Variants in SRP72 observed in about 807,000 individuals in gnomAD.
The protein encoded by SRP72 is signal recognition particle subunit SRP72.
SRP72 carries 49 observed loss-of-function variants against 96.3 expected under a neutral mutation model. The ratio of observed to expected loss-of-function variants is 0.51; its 90% CI spans 0.40 to 0.65. The LOEUF is 0.65. Among genes scored for constraint, SRP72 ranks in the 30% least tolerant of loss-of-function variants. The pLI is 0.00. For missense variants in SRP72, 736 were observed against 793.3 expected (o/e 0.93, Z 0.87); for synonymous variants, 267 against 275.2 (o/e 0.97, Z 0.30).
chr4:56,486,077 G>A (rs1467555726), intron 10 of SRP72, among the ~76,000 whole-genome samples: 1 of 152,146 alleles, frequency 6.6e-6, no homozygotes, highest in African/African-American at 2.4e-5. Flanking sequence ...GTGGCTGAGG[G>A]ATGATGGATT....
At chr4:56,468,051 C>T (rs1358318757) in intron 1 of SRP72, among the ~76,000 whole-genome samples, 1 of 152,250 alleles carries the variant, frequency 6.6e-6, no homozygotes, top group African/African-American at 2.4e-5. Context: ...AAACTGTTTT[C>T]TTATTTGACT....
At chr4:56,482,223 C>T (rs1289372766) in intron 8 of SRP72, among the ~76,000 whole-genome samples, 2 of 150,578 alleles carry the variant, frequency 1.3e-5, no homozygotes, top group Non-Finnish European at 3.0e-5. Flanking sequence ...GGGCGAATCA[C>T]GAGGTCAGAA....
At chr4:56,499,554 A>G (rs1442051893) in intron 17 of SRP72, among the ~76,000 whole-genome samples, 1 of 152,216 alleles carries the variant, frequency 6.6e-6, no homozygotes, top group Non-Finnish European at 1.5e-5. Context: ...AAAAGTGGGC[A>G]AAGGATATGA....
chr4:56,487,818 A>G, intron 11 of SRP72, 131 bp from the exon 12 acceptor site: 3 of 655,394 alleles, frequency 4.6e-6, no homozygotes, highest in Non-Finnish European at 5.3e-6. Flanking sequence ...TTATATGTTT[A>G]GCGATGTTAC....
At chr4:56,497,812 C>T (rs942817163) in intron 17 of SRP72, among the ~76,000 whole-genome samples, 2 of 152,232 alleles carry the variant, frequency 1.3e-5, no homozygotes, top group South Asian at 4.1e-4. Flanking sequence ...GTATACACTT[C>T]CCCTAGTATA....
In SRP72 at chr4:56,500,502, A is replaced by T. The variant is rs374365912; in HGVS notation, c.1679-34A>T. 111 of 1,598,648 alleles carry T rather than the reference A, an allele frequency of 6.9e-5. No homozygotes were observed. In the African/African-American group the frequency reaches 1.4e-3, roughly 20 times the overall value. ...AACAAACTATCTTGAAAATATTATGACACATCTCTCATTTCTTTATAATCG... is the reference window on the plus strand; with the variant it reads ...AACAAACTATCTTGAAAATATTATGTCACATCTCTCATTTCTTTATAATCG... On this transcript the variant is annotated intron_variant, in intron 17 of 18. Transcript: ENST00000642900.
intron 15 of SRP72, among the ~76,000 whole-genome samples, chr4:56,490,985 T>C (rs1277955457): frequency 6.6e-6 from 1 of 152,226 alleles, no homozygotes; most frequent in Non-Finnish European, 1.5e-5. Context: ...ATTCAACTAC[T>C]TAGGTCACTT....
At position 56,471,818 on chromosome 4, in the gene SRP72, A is replaced by G. The variant is rs1578174908; in HGVS notation, c.329A>G (p.Lys110Arg). The part of the protein sequence containing the change: ...TIESANQQTD[K>R]LKELYGQVLY... The stretch of plus-strand genomic sequence containing the variant: ...GAAAGTGCCAACCAGCAGACAGACA[A>G]ACTGAAGGAGCTTTATGGACAAGTG... Residue 110 changes from lysine (K) to arginine (R), a missense_variant, in exon 3 of 19, where the codon AAA becomes AGA. Around this residue, in one of 3 missense-constraint regions of SRP72, gnomAD observed 329 missense variants for 319.0 expected, o/e 1.03. Transcript: ENST00000642900. The G allele has an allele frequency of 6.2e-7, 1 of 1,614,052 alleles. No homozygotes were observed. The highest frequency in any genetic ancestry group is 8.5e-7 in the Non-Finnish European group (1 of 1,179,946).
intron 3 of SRP72, among the ~76,000 whole-genome samples, chr4:56,473,090 T>C (rs1450551449): frequency 6.6e-6 from 1 of 152,164 alleles, no homozygotes; most frequent in Non-Finnish European, 1.5e-5. Context: ...TGGAAAAATA[T>C]TTTCATTGTA....
chr4:56,490,767 T>A, intron 15 of SRP72, 122 bp downstream of exon 15: 1 of 766,334 alleles, frequency 1.3e-6, no homozygotes, highest in Middle Eastern at 2.4e-4. Flanking sequence ...TCCTTTTAAC[T>A]AGTAAAACCA....
Position 56,484,833 on chromosome 4 carries a change from A to T in SRP72, c.1055A>T (p.Lys352Met). The T allele has an allele frequency of 6.2e-7, 1 of 1,613,858 alleles. No individual in the cohort carries two copies. Among genetic ancestry groups the T allele is most frequent in the Non-Finnish European group, 8.5e-7 (1 of 1,179,968 alleles). ...CAAGCTGCCCAGCTCTGCCGTGAAA[A>T]GCAGCACACAAAAGCAATAGAGCTG... ...LIQAAQLCREKQHTKAIELLQ... is the reference protein window; with the variant it reads ...LIQAAQLCREMQHTKAIELLQ... Residue 352 changes from lysine (K) to methionine (M), a missense_variant, in exon 10 of 19, where the codon AAG becomes ATG. Lys to Met is a moderately conservative substitution (Grantham distance 95). Transcript: ENST00000642900.
chr4:56,481,987 C>T (rs909827295), intron 8 of SRP72, among the ~76,000 whole-genome samples: 1 of 151,302 alleles, frequency 6.6e-6, no homozygotes, highest in Admixed American at 6.6e-5. Flanking sequence ...TGGTCCCGAA[C>T]TCCTGGCCTC....
At chr4:56,492,021 T>C (rs769248483) in intron 16 of SRP72, among the ~76,000 whole-genome samples, 5 of 152,122 alleles carry the variant, frequency 3.3e-5, no homozygotes, top group African/African-American at 9.7e-5. Context: ...GTGCATTTAG[T>C]AGAGACAGGG....
chr4:56,498,189 A>T (rs1721143474), intron 17 of SRP72, among the ~76,000 whole-genome samples: 1 of 152,060 alleles, frequency 6.6e-6, no homozygotes, highest in Admixed American at 6.6e-5. Context: ...CATGCTGAGA[A>T]ATGAGGCCTT....
Position 56,500,617 on chromosome 4 carries a change from G to A in SRP72, c.1760G>A (p.Arg587Gln), listed in dbSNP as rs1449936670. The A allele has an allele frequency of 7.4e-6, 12 of 1,613,792 alleles. No homozygotes were observed. Among genetic ancestry groups the A allele is most frequent in the Non-Finnish European group, 5.9e-6 (7 of 1,179,930 alleles). The change falls in exon 18 of 19, where the codon CGG becomes CAG. Residue 587 changes from arginine (R) to glutamine (Q), a missense_variant. Arg to Gln is a conservative substitution (Grantham distance 43). Transcript: ENST00000642900. ...CCAATGCGAGAACGTTCTTACTACC[G>A]GGGAAGAAAGAAGGGTAAAAAGAAG... is the stretch of plus-strand genomic sequence containing the variant. ...WLPMRERSYY[R>Q]GRKKGKKKDQ...
In SRP72 at chr4:56,503,633, A is replaced by G. The variant is rs895411251; in HGVS notation, c.*1772A>G. 2 of 152,252 alleles carry G rather than the reference A, an allele frequency of 1.3e-5. No individual in the cohort carries two copies. The highest frequency in any genetic ancestry group is 2.4e-5 in the African/African-American group (1 of 41,472). 9.4% of individuals were successfully genotyped at this position (152,252 alleles called of 1,614,324 possible). On this transcript the variant is annotated 3_prime_UTR_variant, in exon 19 of 19. Coordinates refer to ENST00000642900, the MANE Select transcript of SRP72 (RefSeq NM_006947.4). The stretch of plus-strand genomic sequence containing the variant: ...TATAAGAACCAGTATGGATACATCC[A>G]TTCACTGTGGTACATTTTAAAATAA...
At chr4:56,471,002 G>A (rs914071496) in intron 2 of SRP72, among the ~76,000 whole-genome samples, 1 of 151,984 alleles carries the variant, frequency 6.6e-6, no homozygotes, top group Non-Finnish European at 1.5e-5. Flanking sequence ...GGGTTTTGCC[G>A]TGTTGGCCAG....
rs762930767 is a variant in SRP72 at position 56,471,745 on chromosome 4, T to C, written c.256T>C (p.Tyr86His). 6.2e-6 allele frequency: 10 copies of C among 1,613,772 alleles called. No individual in the cohort carries two copies. Among genetic ancestry groups the C allele is most frequent in the Non-Finnish European group, 1.7e-6 (2 of 1,179,940 alleles). Residue 86 changes from tyrosine to histidine, a missense_variant, in exon 3 of 19, where the codon TAT becomes CAT. By Grantham distance (83) the Tyr-to-His change is moderately conservative. Around this residue, in one of 3 missense-constraint regions of SRP72, gnomAD observed 329 missense variants for 319.0 expected, o/e 1.03. Coordinates refer to ENST00000642900, the MANE Select transcript of SRP72 (RefSeq NM_006947.4). ...TAACTCTCTCTCCTTTGAAAAGGCA[T>C]ATTGCGAGTACAGGCTGAACAGAAT... The part of the protein sequence containing the change: ...ANNSLSFEKA[Y>H]CEYRLNRIEN...
intron 16 of SRP72, 54 bp from the exon 17 acceptor site, chr4:56,495,303 G>C: frequency 7.8e-7 from 1 of 1,279,842 alleles, no homozygotes. Flanking sequence ...CTTACTTAAT[G>C]CTCTATAAAT....
Sources: gnomAD v4.1 joint callset for allele counts (sites outside exome capture counted in the v4.1 genomes callset) on GRCh38, gnomAD v4.1.1 for gene constraint, gnomAD v4.1.1 regional missense constraint, MANE v1.5 for transcripts, NCBI Gene and HGNC (gene_info 2026-07-23, HGNC 2026-07-21) for gene names.